Variants in CCNC observed in about 807,000 individuals in gnomAD.
CCNC encodes cyclin C.
In CCNC, 19 loss-of-function variants were observed where a neutral mutation model predicts 50.0. The ratio of observed to expected loss-of-function variants is 0.38; its 90% CI spans 0.27 to 0.56. The LOEUF (loss-of-function observed/expected upper bound fraction) is 0.56, where lower values mean the gene tolerates loss of function less well. Ranked by LOEUF, CCNC falls within the 20% of genes least tolerant of loss-of-function variation. The pLI is 0.72. For missense variants in CCNC, 200 were observed against 327.1 expected, an observed-to-expected ratio of 0.61 and a Z score of 3.00; for synonymous variants, 93 against 103.7, an observed-to-expected ratio of 0.90 and a Z score of 0.63.
At chr6:99,568,289 C>T (rs1769241809) in intron 1 of CCNC, 1 of 594,194 alleles carries the variant, frequency 1.7e-6, no homozygotes, top group South Asian at 2.0e-5. Context: ...CTCCCCCTCA[C>T]AGATCCTTCC....
At chr6:99,555,581 G>C (rs935927862) in intron 5 of CCNC, among the ~76,000 whole-genome samples, 4 of 152,096 alleles carry the variant, frequency 2.6e-5, no homozygotes, top group African/African-American at 9.7e-5. Context: ...TAGGACTACA[G>C]GTGTGTGCCA....
chr6:99,544,024 A>T (rs1386353873), intron 11 of CCNC: 3 of 1,243,844 alleles, frequency 2.4e-6, no homozygotes, highest in African/African-American at 3.1e-5. Flanking sequence ...CAAAAAAAAA[A>T]AAAAACCAAA....
At chr6:99,550,408 A>G (rs1350995622) in intron 7 of CCNC, 99 bp from the exon 8 acceptor site, 3 of 803,002 alleles carry the variant, frequency 3.7e-6, no homozygotes. Flanking sequence ...TGTATTTCAA[A>G]GTGAATTTCA....
At chr6:99,562,776 C>G in intron 2 of CCNC, 66 bp downstream of exon 2, 1 of 885,768 alleles carries the variant, frequency 1.1e-6, no homozygotes, top group South Asian at 1.6e-5. Flanking sequence ...CAAATTACCA[C>G]ACAAAAACAT....
chr6:99,546,106 C>T (rs537911582), intron 10 of CCNC, among the ~76,000 whole-genome samples: 6 of 152,136 alleles, frequency 3.9e-5, no homozygotes, highest in Non-Finnish European at 7.4e-5. Flanking sequence ...GCTGGGAGTA[C>T]AGGTGCATGC....
At position 99,542,509 on chromosome 6, in the gene CCNC, C is replaced by G. The variant is rs549539711; in HGVS notation, c.*1046G>C. ...TAAATTGTGCATCAATATCCTATGA[C>G]TCCAAATTTTATTTATCACTCTCCT... On this transcript the variant is annotated 3_prime_UTR_variant, in exon 12 of 12. Transcript: ENST00000520429. 1 of 152,690 alleles carries G rather than the reference C, an allele frequency of 6.5e-6. No homozygotes were observed. The highest frequency in any genetic ancestry group is 2.4e-5 in the African/African-American group (1 of 41,554). 9.5% of individuals were successfully genotyped at this position (152,690 alleles called of 1,614,324 possible).
At chr6:99,560,462 AAATC>A (rs1268335369) in intron 4 of CCNC, among the ~76,000 whole-genome samples, 2 of 152,198 alleles carry the variant, frequency 1.3e-5, no homozygotes, top group African/African-American at 2.4e-5. Flanking sequence ...AAACAAAACT[AAATC>A]AAAGTGGGTG....
intron 5 of CCNC, 91 bp from the exon 6 acceptor site, chr6:99,551,986 A>G (rs1166460563): frequency 2.5e-6 from 2 of 816,118 alleles, no homozygotes; most frequent in Non-Finnish European, 3.5e-6. Flanking sequence ...TAGAGGGTAG[A>G]GCAAAATTAT....
In CCNC at chr6:99,562,984, G is replaced by A. The variant is rs1465801710; in HGVS notation, c.33-36C>T. On this transcript the variant is annotated intron_variant, in intron 1 of 11. Coordinates refer to ENST00000520429, the MANE Select transcript of CCNC (RefSeq NM_005190.4). ...CATGTTACAGAAAATCAACAAGCAA[G>A]GTCAGAGGAAACACTCTAAGATTGA... 3 of 1,322,860 alleles carry A rather than the reference G, an allele frequency of 2.3e-6. No individual in the cohort carries two copies. In the African/African-American group the frequency reaches 4.4e-5, roughly 19 times the overall value. The allele number at this position is 1,322,860 out of a possible 1,614,324, so 81.9% of individuals were successfully genotyped here. A position where few individuals can be genotyped will look rare whatever the true frequency, so the allele number is the denominator to read the frequency against.
Position 99,548,802 on chromosome 6 carries a change from CA to C in CCNC, c.598+705del, listed in dbSNP as rs71021744. On this transcript the variant is annotated intron_variant, in intron 9 of 11. Transcript: ENST00000520429. ...TGGGAGACAGAGTGAGACTCCATCT[CA>C]AAAAAAAAAAAAAAAAAAAATCAAT... is the stretch of plus-strand genomic sequence containing the variant. 1.6e-3 allele frequency among the ~76,000 whole-genome samples: 170 copies of C among 106,526 alleles called. 1 individual carries two copies. Among genetic ancestry groups the C allele is most frequent in the Middle Eastern group, 9.7e-3 (2 of 206 alleles). The allele number at this position is 106,526 out of a possible 152,430, so 69.9% of individuals were successfully genotyped here.
In CCNC at chr6:99,545,216, G is replaced by A; in HGVS notation, c.693C>T (p.Ile231=). ...GCTCATATAGTTTTAAAATAACCCT[G>A]ATTATTTCCAAAATCTAGAAGAAAA... ...SVDMEKILEI[I]RVILKLYEQW... Residue 231 remains isoleucine (I), a synonymous_variant, in exon 11 of 12, where the codon ATC becomes ATT. Coordinates refer to ENST00000520429, the MANE Select transcript of CCNC (RefSeq NM_005190.4). 1 of 1,556,240 alleles carries A rather than the reference G, an allele frequency of 6.4e-7. No homozygotes were observed. The highest frequency in any genetic ancestry group is 8.8e-7 in the Non-Finnish European group (1 of 1,130,456).
chr6:99,545,691 T>C lies in CCNC; in HGVS notation c.679-461A>G, dbSNP rs1802041374. 3.3e-5 allele frequency among the ~76,000 whole-genome samples: 5 copies of C among 152,170 alleles called. 1 individual carries two copies. In the South Asian group the frequency reaches 1.0e-3, roughly 32 times the overall value. On this transcript the variant is annotated intron_variant, in intron 10 of 11. Coordinates refer to ENST00000520429, the MANE Select transcript of CCNC (RefSeq NM_005190.4). ...AAACAACTAGTTAACAAATTAGCTA[T>C]TTTTTTCCCACCTGAGTAGAACCTA... is the stretch of plus-strand genomic sequence containing the variant.
intron 6 of CCNC, 94 bp from the exon 7 acceptor site, chr6:99,551,122 T>C (rs1001922786): frequency 3.2e-6 from 2 of 630,780 alleles, no homozygotes; most frequent in Admixed American, 4.8e-5. Context: ...ATTATAGTAA[T>C]TTATCAAAAA....
chr6:99,544,232 G>A (rs56738222), intron 11 of CCNC: 3 of 1,534,740 alleles, frequency 2.0e-6, no homozygotes, highest in Non-Finnish European at 2.6e-6. Context: ...TCATCTTGCA[G>A]CTTCAGGCCC....
At chr6:99,557,865 C>T (rs1336259444) in intron 5 of CCNC, 1 of 148,494 alleles carries the variant, frequency 6.7e-6, no homozygotes, top group Non-Finnish European at 1.5e-5. Flanking sequence ...TTCTGTAAGA[C>T]TATTGTCCTC....
At chr6:99,545,058 T>A in intron 11 of CCNC, 54 bp downstream of exon 11, 4 of 808,722 alleles carry the variant, frequency 4.9e-6, no homozygotes, top group South Asian at 4.9e-5. Flanking sequence ...AAGAAAAATA[T>A]AGTAAGTATG....
At chr6:99,567,299 C>G (rs1467981663) in intron 1 of CCNC, among the ~76,000 whole-genome samples, 1 of 151,048 alleles carries the variant, frequency 6.6e-6, no homozygotes, top group Non-Finnish European at 1.5e-5. Flanking sequence ...CTTTTTTTTT[C>G]AGGAGCTCTA....
intron 5 of CCNC, among the ~76,000 whole-genome samples, chr6:99,555,954 CCTT>C (rs1562491422): frequency 6.6e-6 from 1 of 152,162 alleles, no homozygotes. Context: ...TTCTTAAATC[CCTT>C]CTTTTTATAA....
At chr6:99,562,663 C>A (rs1251749866) in intron 2 of CCNC, 179 bp downstream of exon 2, 1 of 515,120 alleles carries the variant, frequency 1.9e-6, no homozygotes, top group Non-Finnish European at 3.4e-6. Context: ...AAAATTCACA[C>A]AAAAAAACTT....
Sources: allele counts gnomAD v4.1 joint callset (sites outside exome capture counted in the v4.1 genomes callset), GRCh38; gene constraint gnomAD v4.1.1; transcripts MANE v1.5; gene names NCBI Gene and HGNC (gene_info 2026-07-23, HGNC 2026-07-21).